Variants in CACNG8 observed in about 807,000 individuals in gnomAD.
The protein encoded by CACNG8 is voltage-dependent calcium channel gamma-8 subunit.
Under a neutral mutation model 26.9 loss-of-function variants are expected in CACNG8, and 5 were observed. That is an observed-to-expected ratio of 0.19 (90% CI 0.10 to 0.39). The LOEUF (loss-of-function observed/expected upper bound fraction) is 0.39, where lower values mean the gene tolerates loss of function less well. Ranked by LOEUF, CACNG8 falls within the 10% of genes least tolerant of loss-of-function variation. CACNG8 has a pLI of 1.00. For missense variants in CACNG8, 473 were observed against 609.4 expected, an observed-to-expected ratio of 0.78 and a Z score of 2.36; for synonymous variants, 321 against 296.7, an observed-to-expected ratio of 1.08 and a Z score of -0.84.
chr19:53,963,804 CTTT>C (rs34483691), intron 1 of CACNG8, among the ~76,000 whole-genome samples: 3 of 128,162 alleles, frequency 2.3e-5, no homozygotes, highest in Non-Finnish European at 3.3e-5. Context: ...TGCCTTTTCT[CTTT>C]TTTTTTTTTT....
Position 53,979,873 on chromosome 19 carries a change from T to C in CACNG8, c.374T>C (p.Val125Ala). The C allele has an allele frequency of 1.2e-6, 2 of 1,604,198 alleles. No homozygotes were observed. The highest frequency in any genetic ancestry group is 1.7e-6 in the Non-Finnish European group (2 of 1,174,442). ...TTTCCTTCCTCCCCCGCAGGAGTTG[T>C]CCGGGCCTCCAGCATCTTCCCCATC... Residue 125 changes from valine to alanine, a missense_variant, in exon 3 of 4, where the codon GTC becomes GCC. Around this residue, in one of 6 missense-constraint regions of CACNG8, gnomAD observed 155 missense variants for 253.0 expected, o/e 0.61. Transcript: ENST00000270458.
chr19:53,971,428 A>G (rs1211154530), intron 1 of CACNG8, among the ~76,000 whole-genome samples: 1 of 152,250 alleles, frequency 6.6e-6, no homozygotes, highest in Admixed American at 6.5e-5. Context: ...AATATTATAC[A>G]TAGACACTCT....
intron 1 of CACNG8, among the ~76,000 whole-genome samples, chr19:53,963,748 C>G (rs2069256504): frequency 6.6e-6 from 1 of 152,084 alleles, no homozygotes; most frequent in Non-Finnish European, 1.5e-5. Flanking sequence ...TTCCCTCTCT[C>G]CAGTACCTGG....
At position 53,978,990 on chromosome 19, in the gene CACNG8, C is replaced by A. The variant is rs1404509345; in HGVS notation, c.367+761C>A. 4.2e-5 allele frequency among the ~76,000 whole-genome samples: 3 copies of A among 70,794 alleles called. No individual in the cohort carries two copies. In the Admixed American group the frequency reaches 7.6e-4, roughly 18 times the overall value. 46.4% of individuals were successfully genotyped at this position (70,794 alleles called of 152,430 possible). ...ACCCAGGAAGATAGAGGAGGCCAGG[C>A]GAAAAAAGGGGTGGGGTGGGGTGGG... On this transcript the variant is annotated intron_variant, in intron 2 of 3. Transcript: ENST00000270458.
chr19:53,990,021 G>A lies in CACNG8; in HGVS notation c.*7172G>A, dbSNP rs2069432551. The stretch of plus-strand genomic sequence containing the variant: ...GCCTGCCTGGAGCAGCCAACTGTGG[G>A]AGAAGAAGGAGTTGGTGAAAGGTGG... On this transcript the variant is annotated 3_prime_UTR_variant, in exon 4 of 4. Transcript: ENST00000270458. The A allele has an allele frequency of 1.3e-5, 2 of 152,722 alleles. No homozygotes were observed. The highest frequency in any genetic ancestry group is 4.8e-5 in the African/African-American group (2 of 41,486). The allele number at this position is 152,722 out of a possible 1,614,324, so 9.5% of individuals were successfully genotyped here. A position where few individuals can be genotyped will look rare whatever the true frequency, so the allele number is the denominator to read the frequency against.
Position 53,988,533 on chromosome 19 carries a change from G to A in CACNG8, c.*5684G>A, listed in dbSNP as rs2069421117. The stretch of plus-strand genomic sequence containing the variant: ...GAGAATCTCTTGGGCCCAGGAGGCA[G>A]AGGTTGCAGTGAGCCAAGATCACAC... On this transcript the variant is annotated 3_prime_UTR_variant, in exon 4 of 4. Transcript: ENST00000270458. 6.6e-6 allele frequency: 1 copy of A among 151,630 alleles called. No homozygotes were observed. The highest frequency in any genetic ancestry group is 2.4e-5 in the African/African-American group (1 of 41,180). 9.4% of individuals were successfully genotyped at this position (151,630 alleles called of 1,614,324 possible).
At chr19:53,973,940 T>C (rs547707602) in intron 1 of CACNG8, among the ~76,000 whole-genome samples, 53 of 152,360 alleles carry the variant, frequency 3.5e-4, no homozygotes, top group Middle Eastern at 3.4e-3. Flanking sequence ...CATTCACTCA[T>C]TCACTCATTC....
intron 3 of CACNG8, among the ~76,000 whole-genome samples, chr19:53,981,849 G>T (rs1307765714): frequency 4.6e-5 from 7 of 152,304 alleles, no homozygotes; most frequent in Non-Finnish European, 1.0e-4. Flanking sequence ...CTGGGTTGGA[G>T]CTTAGACCAG....
intron 1 of CACNG8, among the ~76,000 whole-genome samples, chr19:53,970,536 A>C (rs1226771868): frequency 1.4e-5 from 2 of 147,974 alleles, no homozygotes; most frequent in Non-Finnish European, 3.0e-5. Flanking sequence ...GAGGCAGGAG[A>C]ATCGCTTGAA....
chr19:53,976,361 T>TA (rs1481296226), intron 1 of CACNG8, among the ~76,000 whole-genome samples: 2 of 151,562 alleles, frequency 1.3e-5, no homozygotes, highest in South Asian at 2.1e-4. Context: ...TCTCAAAGAA[T>TA]AAAAAAAATG....
chr19:53,976,994 C>G (rs994105177), intron 1 of CACNG8, among the ~76,000 whole-genome samples: 1 of 152,194 alleles, frequency 6.6e-6, no homozygotes, highest in South Asian at 2.1e-4. Flanking sequence ...TTCTTGAGGT[C>G]TCCCGTGTGC....
intron 1 of CACNG8, among the ~76,000 whole-genome samples, chr19:53,963,672 T>C (rs1459228578): frequency 2.0e-5 from 3 of 152,058 alleles, no homozygotes; most frequent in South Asian, 4.2e-4. Context: ...GCCTCTCCGC[T>C]GAACCCCCTT....
chr19:53,973,149 T>C (rs1279773729), intron 1 of CACNG8, among the ~76,000 whole-genome samples: 1 of 152,202 alleles, frequency 6.6e-6, no homozygotes, highest in Non-Finnish European at 1.5e-5. Context: ...AGCAATCCGG[T>C]GTGCCATGTG....
chr19:53,970,449 A>AC (rs1362057078), intron 1 of CACNG8, among the ~76,000 whole-genome samples: 14 of 149,938 alleles, frequency 9.3e-5, no homozygotes, highest in Admixed American at 8.7e-4. Context: ...ATATGGTGAA[A>AC]CCCCGTCTCT....
Position 53,982,410 on chromosome 19 carries a change from C to T in CACNG8, c.839C>T (p.Ser280Phe). The change falls in exon 4 of 4, where the codon TCC (serine) becomes TTC (phenylalanine). Residue 280 changes from serine to phenylalanine, a missense_variant. Physicochemically the swap from Ser to Phe is radical, Grantham distance 155. This residue lies in a region of CACNG8 where 212 missense variants were observed against 214.4 expected (regional missense o/e 0.99). Coordinates refer to ENST00000270458, the MANE Select transcript of CACNG8 (RefSeq NM_031895.6). The surrounding 1 kb of genome is among the most constrained non-coding windows in gnomAD (Gnocchi z 8.4). ...CGCCGCTCCCGCTCTAGCTCCCGCT[C>T]CAGCGAGCCGTCGCCGTCGCGGGAC... 1.3e-6 allele frequency: 2 copies of T among 1,522,486 alleles called. No individual in the cohort carries two copies. Among genetic ancestry groups the T allele is most frequent in the Non-Finnish European group, 1.8e-6 (2 of 1,141,508 alleles). 94.3% of individuals were successfully genotyped at this position (1,522,486 alleles called of 1,614,324 possible). A position where few individuals can be genotyped will look rare whatever the true frequency, so the allele number is the denominator to read the frequency against.
chr19:53,975,227 C>T (rs531501601), intron 1 of CACNG8, among the ~76,000 whole-genome samples: 13 of 152,048 alleles, frequency 8.5e-5, no homozygotes, highest in Non-Finnish European at 1.3e-4. Flanking sequence ...GGATCACAGG[C>T]GTGAGCTCCT....
At chr19:53,977,321 C>A (rs1256958490) in intron 1 of CACNG8, among the ~76,000 whole-genome samples, 4 of 152,200 alleles carry the variant, frequency 2.6e-5, no homozygotes, top group African/African-American at 9.7e-5. Context: ...CAGAACTGGA[C>A]AGAGCTGGGC....
rs1322151921 is a variant in CACNG8 at position 53,982,746 on chromosome 19, C to T, written c.1175C>T (p.Ala392Val). 8.3e-7 allele frequency: 1 copy of T among 1,203,372 alleles called. No homozygotes were observed. Among genetic ancestry groups the T allele is most frequent in the East Asian group, 3.7e-5 (1 of 26,898 alleles). The allele number at this position is 1,203,372 out of a possible 1,614,324, so 74.5% of individuals were successfully genotyped here. A position where few individuals can be genotyped will look rare whatever the true frequency, so the allele number is the denominator to read the frequency against. ...GTCACCGGGCCGCCCGCCCCGCCCG[C>T]GCCCGCGCCACCCGCGCCCTCTGCG... The change falls in exon 4 of 4, where the codon GCG becomes GTG. Residue 392 changes from alanine (A) to valine (V), a missense_variant. By Grantham distance (64) the Ala-to-Val change is moderately conservative. Transcript: ENST00000270458. The surrounding 1 kb of genome is among the most constrained non-coding windows in gnomAD (Gnocchi z 8.4).
At chr19:53,977,742 G>A (rs2069338441) in intron 1 of CACNG8, among the ~76,000 whole-genome samples, 1 of 152,036 alleles carries the variant, frequency 6.6e-6, no homozygotes, top group East Asian at 1.9e-4. Context: ...CGCATTTCCA[G>A]ACTTTTCAAC....
Sources: gnomAD v4.1 joint callset for allele counts (sites outside exome capture counted in the v4.1 genomes callset) on GRCh38, gnomAD v4.1.1 for gene constraint, gnomAD v4.1.1 regional missense constraint, Gnocchi (gnomAD v3.1) non-coding constraint, MANE v1.5 for transcripts, NCBI Gene and HGNC (gene_info 2026-07-23, HGNC 2026-07-21) for gene names.